The following BPTF variants were observed in gnomAD, a reference collection of about 807,000 sequenced individuals.
The protein encoded by BPTF is nucleosome-remodeling factor subunit BPTF.
A neutral mutation model predicts 292.5 loss-of-function variants in BPTF; 18 were observed. The ratio of observed to expected loss-of-function variants is 0.06; its 90% CI spans 0.04 to 0.09. The LOEUF (loss-of-function observed/expected upper bound fraction) is 0.09. Among genes scored for constraint, BPTF ranks in the 10% least tolerant of loss-of-function variants. The pLI is 1.00. For synonymous variants in BPTF, 1,225 were observed against 1,251.9 expected, an observed-to-expected ratio of 0.98 and a Z score of 0.45; for missense variants, 2,726 against 3,498.7, an observed-to-expected ratio of 0.78 and a Z score of 5.57.
At chr17:67,981,781 T>C (rs1462225170) in intron 27 of BPTF, 85 of 953,320 alleles carry the variant, frequency 8.9e-5, no homozygotes, top group Non-Finnish European at 1.0e-4. Context: ...TTCTGGACTT[T>C]AATAGAAAAA....
chr17:67,843,598 A>G (rs2057753883), intron 1 of BPTF, among the ~76,000 whole-genome samples: 2 of 149,212 alleles, frequency 1.3e-5, no homozygotes, highest in African/African-American at 2.4e-5. Context: ...ATATCTAGAT[A>G]TATATGTATA....
At chr17:67,920,282 A>G in intron 13 of BPTF, 139 bp downstream of exon 13, 4 of 930,872 alleles carry the variant, frequency 4.3e-6, no homozygotes, top group South Asian at 1.6e-5. Context: ...TGAAAATGAT[A>G]TTAAAGTAAT....
chr17:67,895,192 G>C (rs1031820035), intron 7 of BPTF, among the ~76,000 whole-genome samples: 2 of 151,944 alleles, frequency 1.3e-5, no homozygotes, highest in Admixed American at 1.3e-4. Flanking sequence ...AATTAGCTGG[G>C]TGTGGTGGCA....
chr17:67,848,518 A>G (rs2058190413), intron 1 of BPTF, among the ~76,000 whole-genome samples: 1 of 152,160 alleles, frequency 6.6e-6, no homozygotes, highest in Non-Finnish European at 1.5e-5. Context: ...CGGCCTTGAA[A>G]ACTGTCTAGG....
At position 67,912,371 on chromosome 17, in the gene BPTF, A is replaced by G. The variant is rs1243444494; in HGVS notation, c.4487A>G (p.Asn1496Ser). ...HLLSSSDAEG[N>S]YRDSLETLPS... ...CTGAGTTCTTCAGATGCTGAAGGTA[A>G]CTACCGAGATAGCCTTGAGACCCTG... Residue 1496 changes from asparagine to serine, a missense_variant, in exon 11 of 28, where the codon AAC becomes AGC. Coordinates refer to ENST00000306378, the MANE Select transcript of BPTF (RefSeq NM_182641.4). The G allele has an allele frequency of 6.2e-7, 1 of 1,614,182 alleles. No homozygotes were observed.
intron 24 of BPTF, among the ~76,000 whole-genome samples, chr17:67,961,336 AT>A (rs1555683912): frequency 6.6e-6 from 1 of 152,058 alleles, no homozygotes; most frequent in Non-Finnish European, 1.5e-5. Context: ...TTCACTCCCT[AT>A]TTTAGTTGAG....
intron 11 of BPTF, among the ~76,000 whole-genome samples, chr17:67,917,242 T>C (rs55896768): frequency 0.35 from 52,020 of 150,260 alleles, 11,618 homozygotes; most frequent in East Asian, 0.68. Flanking sequence ...GAGCTATTCT[T>C]CTTTCTCAGC....
At chr17:67,972,866 C>T (rs1445431279) in intron 26 of BPTF, among the ~76,000 whole-genome samples, 2 of 151,470 alleles carry the variant, frequency 1.3e-5, no homozygotes, top group African/African-American at 2.4e-5. Flanking sequence ...GTGATGTGTG[C>T]GTTCTTTCCT....
chr17:67,897,289 C>T (rs1421757955), intron 7 of BPTF, among the ~76,000 whole-genome samples: 33 of 132,420 alleles, frequency 2.5e-4, no homozygotes, highest in Non-Finnish European at 4.3e-4. Context: ...TGCGGTGAGC[C>T]GAGATCATGC....
At chr17:67,950,632 G>A (rs1555678124) in intron 23 of BPTF, among the ~76,000 whole-genome samples, 2 of 152,006 alleles carry the variant, frequency 1.3e-5, no homozygotes, top group African/African-American at 4.8e-5. Context: ...GAGGTCAGGA[G>A]TTCGAGACCA....
chr17:67,944,839 G>C lies in BPTF; in HGVS notation c.6700+467G>C, dbSNP rs1220457026. ...GAAGCGTGGCAATTAGCCTGGGCCA[G>C]ATGACCCAGCTGATTTCCAGAGGCT... On this transcript the variant is annotated intron_variant, in intron 20 of 27. Transcript: ENST00000306378. Among the ~76,000 whole-genome samples the C allele has an allele frequency of 2.0e-5, 3 of 152,130 alleles. No individual in the cohort carries two copies. The East Asian group carries it at 5.8e-4, about 29-fold the overall frequency.
At chr17:67,980,853 A>G (rs868931134) in intron 27 of BPTF, among the ~76,000 whole-genome samples, 7 of 152,352 alleles carry the variant, frequency 4.6e-5, no homozygotes, top group South Asian at 4.1e-4. Context: ...AGTTTGCTCA[A>G]TTCTGCTTAA....
At chr17:67,980,037 CAA>C (rs1203758783) in intron 27 of BPTF, among the ~76,000 whole-genome samples, 1 of 147,390 alleles carries the variant, frequency 6.8e-6, no homozygotes, top group African/African-American at 2.5e-5. Context: ...CGTCTGAAAA[CAA>C]ACAAACAAAA....
chr17:67,852,999 G>A (rs1365167481), intron 1 of BPTF, among the ~76,000 whole-genome samples: 2 of 152,288 alleles, frequency 1.3e-5, no homozygotes, highest in South Asian at 2.1e-4. Context: ...TAGCTGGGGT[G>A]GTGGCGCCTG....
chr17:67,970,601 T>G (rs1015996756), intron 26 of BPTF, among the ~76,000 whole-genome samples: 1 of 152,204 alleles, frequency 6.6e-6, no homozygotes, highest in Non-Finnish European at 1.5e-5. Context: ...TAGAAATGCA[T>G]AGAAAATGTC....
intron 23 of BPTF, among the ~76,000 whole-genome samples, chr17:67,958,960 T>C (rs2067208606): frequency 6.6e-6 from 1 of 152,074 alleles, no homozygotes; most frequent in African/African-American, 2.4e-5. Flanking sequence ...TCAAAAAATA[T>C]ATATATGAAA....
chr17:67,978,367 C>T (rs191920051), intron 27 of BPTF, among the ~76,000 whole-genome samples: 106 of 150,716 alleles, frequency 7.0e-4, no homozygotes, highest in South Asian at 1.3e-3. Context: ...GGCACAATCT[C>T]GGCTCGCTGC....
At chr17:67,848,508 C>T (rs1420763036) in intron 1 of BPTF, among the ~76,000 whole-genome samples, 2 of 152,118 alleles carry the variant, frequency 1.3e-5, no homozygotes, top group Admixed American at 6.5e-5. Context: ...CATTTGAGCC[C>T]GGCCTTGAAA....
chr17:67,845,744 G>A (rs773034001), intron 1 of BPTF, among the ~76,000 whole-genome samples: 1 of 151,906 alleles, frequency 6.6e-6, no homozygotes, highest in Non-Finnish European at 1.5e-5. Context: ...CTGCACTCTA[G>A]CCTGAGCGAC....
Sources: gnomAD v4.1 joint callset for allele counts (sites outside exome capture counted in the v4.1 genomes callset) on GRCh38, gnomAD v4.1.1 for gene constraint, MANE v1.5 for transcripts, NCBI Gene and HGNC (gene_info 2026-07-23, HGNC 2026-07-21) for gene names.